REV3L: variants seen among roughly 807,000 people sequenced by gnomAD.
REV3L encodes DNA polymerase zeta catalytic subunit.
In REV3L, 69 loss-of-function variants were observed where a neutral mutation model predicts 299.4. The ratio of observed to expected loss-of-function variants is 0.23; its 90% CI spans 0.19 to 0.28. REV3L has a LOEUF of 0.28. REV3L is among the 10% of genes least tolerant of loss of function. REV3L has a pLI of 1.00. For missense variants in REV3L, 3,128 were observed against 3,693.8 expected (o/e 0.85, Z 3.97); for synonymous variants, 1,238 against 1,271.4 (o/e 0.97, Z 0.56).
At chr6:111,424,325 G>A (rs1245364882) in intron 1 of REV3L, among the ~76,000 whole-genome samples, 2 of 152,180 alleles carry the variant, frequency 1.3e-5, no homozygotes, top group Non-Finnish European at 2.9e-5. Flanking sequence ...GTAGATAAAA[G>A]TATATAGGAC....
chr6:111,455,685 T>A (rs949126477), intron 1 of REV3L, among the ~76,000 whole-genome samples: 27 of 152,338 alleles, frequency 1.8e-4, no homozygotes, highest in African/African-American at 6.5e-4. Context: ...ACAAACTACA[T>A]GTAAGTGATT....
intron 2 of REV3L, among the ~76,000 whole-genome samples, chr6:111,412,630 A>T (rs1161314962): frequency 6.6e-6 from 1 of 152,100 alleles, no homozygotes; most frequent in African/African-American, 2.4e-5. Context: ...CTCTCATAGG[A>T]CATCACCTCT....
rs771166471 is a variant in REV3L at position 111,377,693 on chromosome 6, T to C, written c.1597+8A>G. The C allele has an allele frequency of 1.2e-6, 2 of 1,608,482 alleles. No homozygotes were observed. Among genetic ancestry groups the C allele is most frequent in the Admixed American group, 3.4e-5 (2 of 58,554 alleles). On this transcript the variant is annotated splice_region_variant and intron_variant, in intron 12 of 31. Transcript: ENST00000368802. ...AACCAATTTCTCACAGTAGACTTGTTTACTTACCACTATTTTCATCTGCAG... is the reference window on the plus strand; with the variant it reads ...AACCAATTTCTCACAGTAGACTTGTCTACTTACCACTATTTTCATCTGCAG...
intron 1 of REV3L, chr6:111,431,174 C>T (rs567316212): frequency 1.9e-5 from 29 of 1,562,560 alleles, no homozygotes; most frequent in Middle Eastern, 4.6e-4. Flanking sequence ...TTTTTGGCCA[C>T]GTGCCAAGAT....
intron 1 of REV3L, among the ~76,000 whole-genome samples, chr6:111,475,226 T>C (rs957652070): frequency 3.9e-5 from 6 of 152,206 alleles, no homozygotes; most frequent in African/African-American, 1.4e-4. Context: ...TAGTATTCTG[T>C]TGAATATATA....
chr6:111,314,308 T>C (rs989438402), intron 27 of REV3L, among the ~76,000 whole-genome samples: 2 of 152,224 alleles, frequency 1.3e-5, no homozygotes, highest in Non-Finnish European at 2.9e-5. Flanking sequence ...ACATTCTTCC[T>C]ATTAATAGTG....
intron 21 of REV3L, among the ~76,000 whole-genome samples, chr6:111,340,607 C>T (rs1047522238): frequency 6.6e-6 from 1 of 151,952 alleles, no homozygotes; most frequent in African/African-American, 2.4e-5. Context: ...TATGTATGTC[C>T]TTAAAACACT....
intron 22 of REV3L, 108 bp from the exon 23 acceptor site, chr6:111,333,475 G>T: frequency 2.3e-6 from 3 of 1,283,444 alleles, no homozygotes; most frequent in East Asian, 2.6e-5. Context: ...AAGATTGTAT[G>T]ACTTTTTTTT....
At chr6:111,388,119 A>G in intron 7 of REV3L, 34 bp from the exon 8 acceptor site, 1 of 1,380,888 alleles carries the variant, frequency 7.2e-7, no homozygotes, top group Non-Finnish European at 1.0e-6. Flanking sequence ...AAAAATGTAA[A>G]TAGCAAATGA....
intron 1 of REV3L, among the ~76,000 whole-genome samples, chr6:111,476,358 T>C (rs1342763351): frequency 1.3e-5 from 2 of 152,142 alleles, no homozygotes; most frequent in Non-Finnish European, 2.9e-5. Flanking sequence ...CGTCTTTCCA[T>C]GTTGCCCAGG....
intron 26 of REV3L, chr6:111,315,665 A>AGG: frequency 2.7e-6 from 1 of 376,680 alleles, no homozygotes; most frequent in Admixed American, 3.8e-5. Context: ...TGGACATTTA[A>AGG]GGCTTTGTAT....
Position 111,483,036 on chromosome 6 carries a change from C to T in REV3L, c.-148G>A. 3 of 1,018,118 alleles carry T rather than the reference C, an allele frequency of 2.9e-6. No homozygotes were observed. Among genetic ancestry groups the T allele is most frequent in the Non-Finnish European group, 3.9e-6 (3 of 762,406 alleles). The allele number at this position is 1,018,118 out of a possible 1,614,324, so 63.1% of individuals were successfully genotyped here. ...CACACAGAGGCACCTCGAGGAGCGG[C>T]GGGCGGGGCGGTGTAGGCGCTGCTG... On this transcript the variant is annotated 5_prime_UTR_variant, in exon 1 of 32. Transcript: ENST00000368802.
At chr6:111,401,804 A>T (rs1783109459) in intron 4 of REV3L, among the ~76,000 whole-genome samples, 1 of 152,172 alleles carries the variant, frequency 6.6e-6, no homozygotes, top group African/African-American at 2.4e-5. Context: ...TGCATATAGC[A>T]TCATTATTTG....
At chr6:111,480,004 G>C (rs1193196387) in intron 1 of REV3L, among the ~76,000 whole-genome samples, 3 of 152,130 alleles carry the variant, frequency 2.0e-5, no homozygotes, top group Non-Finnish European at 1.5e-5. Context: ...AACTAAACTA[G>C]TAAAAGGGTA....
At chr6:111,465,690 G>A (rs1268862468) in intron 1 of REV3L, among the ~76,000 whole-genome samples, 13 of 128,780 alleles carry the variant, frequency 1.0e-4, no homozygotes, top group Middle Eastern at 5.4e-3. Flanking sequence ...CTGAGATCGC[G>A]CCCGAGCACT....
intron 9 of REV3L, among the ~76,000 whole-genome samples, chr6:111,382,629 T>C (rs1288314881): frequency 2.0e-5 from 3 of 152,266 alleles, no homozygotes; most frequent in East Asian, 3.9e-4. Flanking sequence ...CTAAAGTGCT[T>C]TGGGATCCTA....
chr6:111,425,406 C>T (rs946596948), intron 1 of REV3L, among the ~76,000 whole-genome samples: 9 of 152,166 alleles, frequency 5.9e-5, no homozygotes, highest in South Asian at 2.1e-4. Context: ...TTGCAGTGAG[C>T]GGAGATTGCG....
At chr6:111,475,375 T>G (rs902951162) in intron 1 of REV3L, among the ~76,000 whole-genome samples, 1 of 152,226 alleles carries the variant, frequency 6.6e-6, no homozygotes, top group African/African-American at 2.4e-5. Context: ...AATAAAATCC[T>G]ATAATGGAAT....
At chr6:111,420,086 C>T (rs1213200376) in intron 1 of REV3L, among the ~76,000 whole-genome samples, 1 of 152,174 alleles carries the variant, frequency 6.6e-6, no homozygotes, top group Non-Finnish European at 1.5e-5. Flanking sequence ...ACCTCATGAT[C>T]CACCTGCCTC....
Sources: gnomAD v4.1 joint callset for allele counts (sites outside exome capture counted in the v4.1 genomes callset) on GRCh38, gnomAD v4.1.1 for gene constraint, MANE v1.5 for transcripts, NCBI Gene and HGNC (gene_info 2026-07-23, HGNC 2026-07-21) for gene names.